The following PITPNM3 variants were observed in gnomAD, a reference collection of about 807,000 sequenced individuals.
The protein encoded by PITPNM3 is PITPNM family member 3, also known as membrane-associated phosphatidylinositol transfer protein 3.
In PITPNM3, 26 loss-of-function variants were observed where a neutral mutation model predicts 102.0. That is an observed-to-expected ratio of 0.25 (90% CI 0.19 to 0.35). PITPNM3 has a LOEUF of 0.35. PITPNM3 is among the 10% of genes least tolerant of loss of function. The probability of loss-of-function intolerance (pLI) is 1.00; values close to 1 mark genes in which losing one functional copy is unlikely to be tolerated. For synonymous variants in PITPNM3, 578 were observed against 558.6 expected, an observed-to-expected ratio of 1.03 and a Z score of -0.49; for missense variants, 1,083 against 1,346.1, an observed-to-expected ratio of 0.80 and a Z score of 3.06.
intron 1 of PITPNM3, among the ~76,000 whole-genome samples, chr17:6,546,501 T>C (rs1910025827): frequency 6.6e-6 from 1 of 152,228 alleles, no homozygotes; most frequent in African/African-American, 2.4e-5. Context: ...AACTTTCAGT[T>C]TGGCCATAGA....
chr17:6,464,605 C>A, intron 15 of PITPNM3, 50 bp downstream of exon 15: 1 of 1,540,994 alleles, frequency 6.5e-7, no homozygotes, highest in Non-Finnish European at 8.9e-7. Context: ...CTCCATGAGG[C>A]ACCTGGTGCA....
chr17:6,554,968 T>G (rs1348594123), intron 1 of PITPNM3, among the ~76,000 whole-genome samples: 9 of 152,134 alleles, frequency 5.9e-5, no homozygotes, highest in Admixed American at 5.9e-4. Flanking sequence ...GGCGTCCCAG[T>G]GCACACACAC....
chr17:6,511,434 A>T (rs552903804), intron 3 of PITPNM3, among the ~76,000 whole-genome samples: 2 of 152,332 alleles, frequency 1.3e-5, no homozygotes, highest in East Asian at 3.9e-4. Flanking sequence ...TCCTTAGCAG[A>T]CCAGAAACTG....
chr17:6,513,208 G>A (rs1380623107), intron 3 of PITPNM3, among the ~76,000 whole-genome samples: 1 of 152,008 alleles, frequency 6.6e-6, no homozygotes, highest in Non-Finnish European at 1.5e-5. Context: ...CATATTTAAT[G>A]GTAAAAGACT....
intron 19 of PITPNM3, among the ~76,000 whole-genome samples, chr17:6,456,310 T>A (rs1255392767): frequency 6.6e-6 from 1 of 152,170 alleles, no homozygotes; most frequent in Non-Finnish European, 1.5e-5. Context: ...CCAGGGTGCT[T>A]GGCCTCTGGA....
intron 12 of PITPNM3, 54 bp downstream of exon 12, chr17:6,471,107 A>AG: frequency 6.3e-7 from 1 of 1,595,024 alleles, no homozygotes; most frequent in East Asian, 2.2e-5. Flanking sequence ...AAACACCCAG[A>AG]GGAAGGTTCC....
chr17:6,493,089 C>G (rs558015515), intron 4 of PITPNM3, among the ~76,000 whole-genome samples: 62 of 152,224 alleles, frequency 4.1e-4, no homozygotes, highest in African/African-American at 1.4e-3. Flanking sequence ...AAGGTCGGGT[C>G]AATGACAAAG....
chr17:6,537,847 A>T lies in PITPNM3; in HGVS notation c.118+140T>A. 1.3e-6 allele frequency: 1 copy of T among 775,046 alleles called. No individual in the cohort carries two copies. The highest frequency in any genetic ancestry group is 2.3e-6 in the Non-Finnish European group (1 of 440,892). 48.0% of individuals were successfully genotyped at this position (775,046 alleles called of 1,614,324 possible). ...CTGAGCCCCTGCTCTTGGCACATCC[A>T]CAGGATGGGTAAGTATGGAGTGTGG... On this transcript the variant is annotated intron_variant, in intron 2 of 19. Transcript: ENST00000262483. The surrounding 1 kb of genome is among the most constrained non-coding windows in gnomAD (Gnocchi z 4.4).
chr17:6,527,583 T>G (rs1908906971), intron 2 of PITPNM3, among the ~76,000 whole-genome samples: 1 of 152,176 alleles, frequency 6.6e-6, no homozygotes, highest in African/African-American at 2.4e-5. Flanking sequence ...CTACCCCAGC[T>G]GTAGAGTGAG....
Position 6,537,928 on chromosome 17 carries a change from C to T in PITPNM3, c.118+59G>A. 3 of 1,441,894 alleles carry T rather than the reference C, an allele frequency of 2.1e-6. No homozygotes were observed. The Admixed American group carries it at 5.2e-5, about 25-fold the overall frequency. The allele number at this position is 1,441,894 out of a possible 1,614,324, so 89.3% of individuals were successfully genotyped here. ...GATGCGGACCCCCAAATGGGATCTTCTTCTTGAGGCTTCTAGGAAGGTCAC... is the reference window on the plus strand; with the variant it reads ...GATGCGGACCCCCAAATGGGATCTTTTTCTTGAGGCTTCTAGGAAGGTCAC... On this transcript the variant is annotated intron_variant, in intron 2 of 19. Coordinates refer to ENST00000262483, the MANE Select transcript of PITPNM3 (RefSeq NM_031220.4). The surrounding 1 kb of genome is among the most constrained non-coding windows in gnomAD (Gnocchi z 4.4).
At chr17:6,552,407 G>A (rs536192230) in intron 1 of PITPNM3, among the ~76,000 whole-genome samples, 4 of 152,272 alleles carry the variant, frequency 2.6e-5, no homozygotes, top group East Asian at 3.9e-4. Flanking sequence ...GGGAGGGGCA[G>A]TGTGGCTGGC....
rs1337781337 is a variant in PITPNM3 at position 6,489,913 on chromosome 17, A to G, written c.275-5621T>C. Among the ~76,000 whole-genome samples the G allele has an allele frequency of 2.6e-5, 4 of 152,100 alleles. No individual in the cohort carries two copies. The East Asian group carries it at 7.7e-4, about 29-fold the overall frequency. ...CAGCTACTCGGGAGGCTGAGGCAGA[A>G]GAATCGCTTGAACCCGGCAGGCAGA... is the stretch of plus-strand genomic sequence containing the variant. On this transcript the variant is annotated intron_variant, in intron 4 of 19. Coordinates refer to ENST00000262483, the MANE Select transcript of PITPNM3 (RefSeq NM_031220.4).
chr17:6,531,740 G>GA (rs1909158479), intron 2 of PITPNM3, among the ~76,000 whole-genome samples: 1 of 152,200 alleles, frequency 6.6e-6, no homozygotes, highest in Non-Finnish European at 1.5e-5. Context: ...TGCTGGGGCT[G>GA]TGAACCCACA....
rs1321519243 is a variant in PITPNM3, at chr17:6,554,242, C to T, written c.22+2143G>A. ...GGCTGAGGCAGGAGAATCGCCTCAG[C>T]CCAGGAGGCGGAGGTTGCAGTGAGC... On this transcript the variant is annotated intron_variant, in intron 1 of 19. Coordinates refer to ENST00000262483, the MANE Select transcript of PITPNM3 (RefSeq NM_031220.4). Among the ~76,000 whole-genome samples the T allele has an allele frequency of 6.7e-5, 10 of 149,480 alleles. No individual in the cohort carries two copies. In the Admixed American group the frequency reaches 6.7e-4, roughly 10 times the overall value.
intron 3 of PITPNM3, among the ~76,000 whole-genome samples, chr17:6,506,175 C>A (rs1330329992): frequency 1.3e-5 from 2 of 152,038 alleles, no homozygotes; most frequent in African/African-American, 4.8e-5. Flanking sequence ...TCATACTCCA[C>A]CAAAACCAGC....
rs144178863 is a variant in PITPNM3, at chr17:6,464,469, T to C, written c.2008-151A>G. 7.6e-4 allele frequency: 841 copies of C among 1,103,902 alleles called. No individual in the cohort carries two copies. The African/African-American group carries it at 0.011, about 15-fold the overall frequency. 68.4% of individuals were successfully genotyped at this position (1,103,902 alleles called of 1,614,324 possible). A position where few individuals can be genotyped will look rare whatever the true frequency, so the allele number is the denominator to read the frequency against. On this transcript the variant is annotated intron_variant, in intron 15 of 19. Coordinates refer to ENST00000262483, the MANE Select transcript of PITPNM3 (RefSeq NM_031220.4). ...GCTCCTCATTTGTCCTTGGATACTC[T>C]GAGCCCATCCTTTCCTCCTTGCTCA...
chr17:6,526,500 A>C (rs1007206251), intron 2 of PITPNM3, among the ~76,000 whole-genome samples: 1 of 152,204 alleles, frequency 6.6e-6, no homozygotes, highest in East Asian at 1.9e-4. Context: ...TTTCACTGCC[A>C]AAGAACTTTA....
intron 9 of PITPNM3, 133 bp downstream of exon 9, chr17:6,476,895 GA>G: frequency 9.3e-6 from 10 of 1,078,690 alleles, no homozygotes; most frequent in Admixed American, 6.8e-5. Context: ...GGCCGATGGC[GA>G]GTGGCCTTGG....
At position 6,452,585 on chromosome 17, in the gene PITPNM3, A is replaced by G. The variant is rs374208625; in HGVS notation, c.*2753T>C. On this transcript the variant is annotated 3_prime_UTR_variant, in exon 20 of 20. Transcript: ENST00000262483. ...CTTTCTCCAACTTAACCGGACAGAC[A>G]AAACTGAGCAAACCGCTAGTGTAGA... 1.5e-4 allele frequency: 23 copies of G among 152,238 alleles called. No individual in the cohort carries two copies. The highest frequency in any genetic ancestry group is 4.6e-4 in the African/African-American group (19 of 41,460). 9.4% of individuals were successfully genotyped at this position (152,238 alleles called of 1,614,324 possible).
Sources: gnomAD v4.1 joint callset for allele counts (sites outside exome capture counted in the v4.1 genomes callset) on GRCh38, gnomAD v4.1.1 for gene constraint, Gnocchi (gnomAD v3.1) non-coding constraint, MANE v1.5 for transcripts, NCBI Gene and HGNC (gene_info 2026-07-23, HGNC 2026-07-21) for gene names.